The following TLCD4 variants were observed in gnomAD, a reference collection of about 807,000 sequenced individuals.
TLCD4 encodes the protein TLC domain-containing protein 4.
In TLCD4, 7 loss-of-function variants were observed where a neutral mutation model predicts 24.2. The ratio of observed to expected loss-of-function variants is 0.29; its 90% CI spans 0.16 to 0.54. TLCD4 has a LOEUF of 0.54. Among genes scored for constraint, TLCD4 ranks in the 20% least tolerant of loss-of-function variants. TLCD4 has a pLI of 0.95. For missense variants in TLCD4, 259 were observed against 313.9 expected (o/e 0.82, Z 1.32); for synonymous variants, 103 against 106.4 (o/e 0.97, Z 0.20).
upstream of TLCD4, among the ~76,000 whole-genome samples, chr1:95,115,325 C>T (rs1676409557): frequency 6.6e-6 from 1 of 152,038 alleles, no homozygotes. Flanking sequence ...TCAGGCTGGT[C>T]TCGAACTCTC....
chr1:95,185,270 G>A (rs1394395172), intron 6 of TLCD4, among the ~76,000 whole-genome samples: 1 of 152,114 alleles, frequency 6.6e-6, no homozygotes, highest in Non-Finnish European at 1.5e-5. Flanking sequence ...TTTATAGAAG[G>A]GGAACTTGGT....
chr1:95,158,658 CT>C (rs1677699140), intron 5 of TLCD4, among the ~76,000 whole-genome samples: 1 of 135,904 alleles, frequency 7.4e-6, no homozygotes, highest in Non-Finnish European at 1.6e-5. Flanking sequence ...TCCGTCCCCC[CT>C]CCCCCCACCC....
chr1:95,145,889 G>A (rs1003123662), intron 2 of TLCD4, among the ~76,000 whole-genome samples: 1 of 152,144 alleles, frequency 6.6e-6, no homozygotes, highest in African/African-American at 2.4e-5. Context: ...AGGAGTCTGG[G>A]ATTATATAAA....
chr1:95,102,749 G>A, the TLCD4 span, among the ~76,000 whole-genome samples: 1 of 152,092 alleles, frequency 6.6e-6, no homozygotes, highest in Non-Finnish European at 1.5e-5. Context: ...TGAGCAAAAG[G>A]TTAATTGCAA....
chr1:95,093,293 A>T, the TLCD4 span, among the ~76,000 whole-genome samples: 1 of 152,152 alleles, frequency 6.6e-6, no homozygotes, highest in Non-Finnish European at 1.5e-5. Context: ...AAACAAACGA[A>T]CAAGCAATTA....
chr1:95,168,585 A>G (rs1678100665), intron 5 of TLCD4, among the ~76,000 whole-genome samples: 1 of 91,952 alleles, frequency 1.1e-5, no homozygotes, highest in East Asian at 3.4e-4. Flanking sequence ...TTTTTTTTTA[A>G]GAGACGGGGT....
chr1:95,181,043 G>A (rs1040594839), intron 6 of TLCD4, among the ~76,000 whole-genome samples: 1 of 152,194 alleles, frequency 6.6e-6, no homozygotes, highest in Non-Finnish European at 1.5e-5. Flanking sequence ...GTTGCAGTGA[G>A]CCGAGATCAC....
chr1:95,191,571 G>A lies in TLCD4; in HGVS notation c.495G>A (p.Lys165=). The A allele has an allele frequency of 6.2e-7, 1 of 1,612,312 alleles. No individual in the cohort carries two copies. Among genetic ancestry groups the A allele is most frequent in the Non-Finnish European group, 8.5e-7 (1 of 1,179,136 alleles). The change falls in exon 7 of 7, where the codon AAG becomes AAA. Residue 165 remains lysine, a synonymous_variant. Coordinates refer to ENST00000370203, the MANE Select transcript of TLCD4 (RefSeq NM_152487.3). ...VNQRWFFEAL[K]YPKFSKAIVI... is the part of the protein sequence containing the mutation. ...TCAGGTGGTTCTTTGAAGCTCTGAA[G>A]TATCCCAAGTTTTCTAAAGCTATCG...
chr1:95,155,152 C>G (rs962753418), intron 5 of TLCD4, among the ~76,000 whole-genome samples: 1 of 151,902 alleles, frequency 6.6e-6, no homozygotes, highest in African/African-American at 2.4e-5. Context: ...TCTTTTCCCC[C>G]CCACCTTATA....
At chr1:95,158,665 C>G (rs1276134802) in intron 5 of TLCD4, among the ~76,000 whole-genome samples, 2 of 138,424 alleles carry the variant, frequency 1.4e-5, no homozygotes, top group South Asian at 2.7e-4. Flanking sequence ...CCCCTCCCCC[C>G]ACCCCATGAC....
chr1:95,171,400 A>C (rs1259235722), intron 5 of TLCD4, among the ~76,000 whole-genome samples: 1 of 152,212 alleles, frequency 6.6e-6, no homozygotes, highest in African/African-American at 2.4e-5. Context: ...GCAGTTCACA[A>C]TAATGGATCA....
chr1:95,180,292 T>A (rs925976810), intron 6 of TLCD4, among the ~76,000 whole-genome samples: 1 of 152,226 alleles, frequency 6.6e-6, no homozygotes, highest in African/African-American at 2.4e-5. Context: ...AAATTAGAGA[T>A]AGTTTAATTT....
At chr1:95,165,449 G>C (rs1336124969) in intron 5 of TLCD4, among the ~76,000 whole-genome samples, 1 of 148,174 alleles carries the variant, frequency 6.7e-6, no homozygotes, top group East Asian at 2.0e-4. Context: ...TGGGCAAATA[G>C]TATGTGTGTG....
intron 6 of TLCD4, among the ~76,000 whole-genome samples, chr1:95,185,661 T>C (rs969206841): frequency 6.6e-6 from 1 of 152,238 alleles, no homozygotes; most frequent in African/African-American, 2.4e-5. Context: ...ATAGTACATA[T>C]ATTTTCTTTT....
chr1:95,096,183 G>A, the TLCD4 span, among the ~76,000 whole-genome samples: 1 of 152,244 alleles, frequency 6.6e-6, no homozygotes, highest in Non-Finnish European at 1.5e-5. Flanking sequence ...TTAAGTAGAG[G>A]AGTGACATTT....
rs1463185710 is a variant in TLCD4, at chr1:95,192,874, T to G, written c.*1006T>G. 6.6e-6 allele frequency: 1 copy of G among 152,204 alleles called. No homozygotes were observed. Among genetic ancestry groups the G allele is most frequent in the African/African-American group, 2.4e-5 (1 of 41,454 alleles). 9.4% of individuals were successfully genotyped at this position (152,204 alleles called of 1,614,324 possible). On this transcript the variant is annotated 3_prime_UTR_variant, in exon 7 of 7. Transcript: ENST00000370203. ...TTTTATAATAAGGCTTAAGACAGAT[T>G]ATAGACCTCCTTAAGAGATGAGTTT...
intron 1 of TLCD4, among the ~76,000 whole-genome samples, chr1:95,135,625 T>A (rs1032228283): frequency 1.3e-5 from 2 of 152,124 alleles, no homozygotes; most frequent in Non-Finnish European, 2.9e-5. Context: ...CTTGAACTCC[T>A]GACCTCAAGT....
intron 1 of TLCD4, among the ~76,000 whole-genome samples, chr1:95,132,794 G>C (rs551818033): frequency 6.6e-6 from 1 of 152,288 alleles, no homozygotes; most frequent in East Asian, 1.9e-4. Flanking sequence ...AAAGAACTCT[G>C]TTATTTAGTA....
intron 1 of TLCD4, among the ~76,000 whole-genome samples, chr1:95,121,631 G>A (rs554798141): frequency 2.6e-5 from 4 of 152,000 alleles, no homozygotes; most frequent in Admixed American, 1.3e-4. Context: ...CCACCACCCC[G>A]GGCTAATTTT....
Sources: allele counts gnomAD v4.1 joint callset (sites outside exome capture counted in the v4.1 genomes callset), GRCh38; gene constraint gnomAD v4.1.1; transcripts MANE v1.5; gene names NCBI Gene and HGNC (gene_info 2026-07-23, HGNC 2026-07-21).